The following RPS6KC1 variants were observed in gnomAD, a reference collection of about 807,000 sequenced individuals.
RPS6KC1 encodes ribosomal protein S6 kinase C1.
Under a neutral mutation model 103.8 loss-of-function variants are expected in RPS6KC1, and 54 were observed. The ratio of observed to expected loss-of-function variants is 0.52; its 90% CI spans 0.42 to 0.65. The LOEUF (loss-of-function observed/expected upper bound fraction) is 0.65, where lower values mean the gene tolerates loss of function less well. RPS6KC1 is among the 30% of genes least tolerant of loss of function. The pLI is 0.00. For missense variants in RPS6KC1, 1,151 were observed against 1,253.8 expected (o/e 0.92, Z 1.24); for synonymous variants, 439 against 438.7 (o/e 1.00, Z -0.01).
At chr1:213,227,347 TG>T (rs2093985440) in intron 8 of RPS6KC1, among the ~76,000 whole-genome samples, 1 of 152,268 alleles carries the variant, frequency 6.6e-6, no homozygotes, top group South Asian at 2.1e-4. Flanking sequence ...AAACATTTAC[TG>T]TGTGAGAACA....
the RPS6KC1 span, among the ~76,000 whole-genome samples, chr1:213,607,277 G>A: frequency 2.0e-5 from 3 of 152,156 alleles, no homozygotes; most frequent in Admixed American, 6.5e-5. Flanking sequence ...TTACAAATTG[G>A]AAAATCATCC....
At chr1:213,212,437 A>G (rs552494467) in intron 8 of RPS6KC1, among the ~76,000 whole-genome samples, 3 of 152,282 alleles carry the variant, frequency 2.0e-5, no homozygotes, top group South Asian at 2.1e-4. Context: ...TTAATGCTCA[A>G]TGGTATTCTG....
chr1:213,742,204 C>A, the RPS6KC1 span, among the ~76,000 whole-genome samples: 1 of 152,078 alleles, frequency 6.6e-6, no homozygotes, highest in African/African-American at 2.4e-5. Context: ...TTGCTCTTAC[C>A]CTGCACAGCT....
chr1:213,626,133 G>C, the RPS6KC1 span, among the ~76,000 whole-genome samples: 1 of 152,230 alleles, frequency 6.6e-6, no homozygotes, highest in Non-Finnish European at 1.5e-5. Flanking sequence ...TAACTGGTGT[G>C]AGGTGGTATC....
chr1:213,254,016 A>C (rs2094589872), intron 12 of RPS6KC1, among the ~76,000 whole-genome samples: 1 of 152,218 alleles, frequency 6.6e-6, no homozygotes. Context: ...GGCTACCAAG[A>C]CAGCATTATT....
At chr1:213,389,298 G>A in the RPS6KC1 span, among the ~76,000 whole-genome samples, 1 of 152,152 alleles carries the variant, frequency 6.6e-6, no homozygotes, top group Non-Finnish European at 1.5e-5. Flanking sequence ...TTGCAGAGTT[G>A]GGGAACATTT....
chr1:213,613,628 T>C, the RPS6KC1 span, among the ~76,000 whole-genome samples: 6 of 152,210 alleles, frequency 3.9e-5, no homozygotes, highest in Non-Finnish European at 8.8e-5. Flanking sequence ...GCTTCTCTAA[T>C]GGTGAACTTA....
At chr1:213,799,549 G>A in the RPS6KC1 span, among the ~76,000 whole-genome samples, 4 of 152,220 alleles carry the variant, frequency 2.6e-5, no homozygotes, top group African/African-American at 9.6e-5. Context: ...AAAACTATAG[G>A]AAATTTCCCT....
intron 10 of RPS6KC1, among the ~76,000 whole-genome samples, chr1:213,239,873 A>G (rs1226452962): frequency 1.3e-5 from 2 of 152,174 alleles, no homozygotes; most frequent in Admixed American, 6.5e-5. Flanking sequence ...TGTTTAACGT[A>G]AAAGTTATAA....
chr1:213,480,943 T>C, the RPS6KC1 span, among the ~76,000 whole-genome samples: 1,816 of 152,294 alleles, frequency 0.012, 38 homozygotes, highest in African/African-American at 0.039. Context: ...TAGAAAGGTC[T>C]GATATTGAAT....
chr1:213,343,389 GTGTATATATATATATATATATATATATA>G, the RPS6KC1 span, among the ~76,000 whole-genome samples: 884 of 65,864 alleles, frequency 0.013, 61 homozygotes, highest in African/African-American at 0.053. Context: ...TCAGTGTTGT[GTGTATATATATATATATATATATATATA>G]TATATATATA....
chr1:213,559,231 G>A, the RPS6KC1 span, among the ~76,000 whole-genome samples: 16 of 152,288 alleles, frequency 1.1e-4, no homozygotes, highest in African/African-American at 3.8e-4. Flanking sequence ...ATTAGTGACC[G>A]AGCTTGGTCT....
chr1:213,273,507 T>G lies in RPS6KC1; in HGVS notation c.*873T>G, dbSNP rs924020353. 3.9e-5 allele frequency: 6 copies of G among 152,620 alleles called. No individual in the cohort carries two copies. The highest frequency in any genetic ancestry group is 1.2e-4 in the African/African-American group (5 of 41,430). The allele number at this position is 152,620 out of a possible 1,614,324, so 9.5% of individuals were successfully genotyped here. On this transcript the variant is annotated 3_prime_UTR_variant, in exon 15 of 15. Coordinates refer to ENST00000366960, the MANE Select transcript of RPS6KC1 (RefSeq NM_012424.6). The stretch of plus-strand genomic sequence containing the variant: ...AATAACCCTCCCCCCTTTTTTTCCT[T>G]GAAGAAATGCGTCTGTTCCTTTCCT...
chr1:213,064,356 C>G (rs2078105880), intron 1 of RPS6KC1, among the ~76,000 whole-genome samples: 2 of 147,222 alleles, frequency 1.4e-5, no homozygotes. Context: ...TGGGCCCGGC[C>G]AAATTTGTGA....
chr1:213,605,930 T>G, the RPS6KC1 span, among the ~76,000 whole-genome samples: 2 of 151,710 alleles, frequency 1.3e-5, no homozygotes, highest in East Asian at 3.9e-4. Flanking sequence ...GTTGAGGGAG[T>G]GCAAACCATG....
chr1:213,063,123 T>C (rs2077997026), intron 1 of RPS6KC1, among the ~76,000 whole-genome samples: 1 of 152,230 alleles, frequency 6.6e-6, no homozygotes, highest in Admixed American at 6.5e-5. Context: ...CCAACACCAT[T>C]ATTCAGACCC....
the RPS6KC1 span, among the ~76,000 whole-genome samples, chr1:213,359,340 T>G: frequency 2.0e-5 from 3 of 152,218 alleles, no homozygotes; most frequent in African/African-American, 7.2e-5. Flanking sequence ...TGATCTTTGT[T>G]GGTTTAAAGT....
the RPS6KC1 span, among the ~76,000 whole-genome samples, chr1:213,454,887 C>T: frequency 6.6e-6 from 1 of 152,202 alleles, no homozygotes; most frequent in Non-Finnish European, 1.5e-5. Context: ...GGCGGGGACC[C>T]ATCTGCTTTT....
intron 6 of RPS6KC1, among the ~76,000 whole-genome samples, chr1:213,134,640 C>G (rs1323845016): frequency 1.3e-5 from 2 of 152,068 alleles, no homozygotes; most frequent in Non-Finnish European, 2.9e-5. Context: ...ACACCATGAC[C>G]TTGTATGGAG....
Sources: gnomAD v4.1 joint callset for allele counts (sites outside exome capture counted in the v4.1 genomes callset) on GRCh38, gnomAD v4.1.1 for gene constraint, MANE v1.5 for transcripts, NCBI Gene and HGNC (gene_info 2026-07-23, HGNC 2026-07-21) for gene names.